The following CTNNA2 variants were observed in gnomAD, a reference collection of about 807,000 sequenced individuals.
The protein encoded by CTNNA2 is catenin alpha 2.
CTNNA2 carries 42 observed loss-of-function variants against 101.0 expected under a neutral mutation model. The ratio of observed to expected loss-of-function variants is 0.42; its 90% CI spans 0.32 to 0.54. The LOEUF (loss-of-function observed/expected upper bound fraction) is 0.54, where lower values mean the gene tolerates loss of function less well. Ranked by LOEUF, CTNNA2 falls within the 20% of genes least tolerant of loss-of-function variation. The pLI is 0.14. For synonymous variants in CTNNA2, 450 were observed against 456.4 expected (o/e 0.99, Z 0.18); for missense variants, 871 against 1,223.1 (o/e 0.71, Z 4.29).
intron 7 of CTNNA2, among the ~76,000 whole-genome samples, chr2:79,927,489 G>A (rs1687103253): frequency 6.6e-6 from 1 of 152,072 alleles, no homozygotes; most frequent in South Asian, 2.1e-4. Flanking sequence ...CAGATTCAAG[G>A]AGAATAACTA....
intron 9 of CTNNA2, among the ~76,000 whole-genome samples, chr2:80,454,780 C>T (rs918673601): frequency 6.6e-6 from 1 of 152,212 alleles, no homozygotes; most frequent in African/African-American, 2.4e-5. Flanking sequence ...TGGCACAGGG[C>T]CAGCCCTGGG....
chr2:80,570,262 T>A (rs1694464986), intron 12 of CTNNA2, among the ~76,000 whole-genome samples: 2 of 152,136 alleles, frequency 1.3e-5, no homozygotes, highest in Non-Finnish European at 2.9e-5. Flanking sequence ...TTGCCCAGGC[T>A]ATTCTTGAAC....
At chr2:79,739,740 G>T (rs1286349719) in intron 2 of CTNNA2, among the ~76,000 whole-genome samples, 1 of 152,216 alleles carries the variant, frequency 6.6e-6, no homozygotes, top group African/African-American at 2.4e-5. Context: ...CTTACGCACA[G>T]ATACCTGCAA....
At chr2:80,307,872 G>T (rs958923133) in intron 7 of CTNNA2, among the ~76,000 whole-genome samples, 5 of 152,184 alleles carry the variant, frequency 3.3e-5, no homozygotes, top group Non-Finnish European at 7.3e-5. Context: ...GGTAAGAAAT[G>T]ATAAGAATCT....
chr2:79,567,996 G>T (rs1228332795), intron 1 of CTNNA2, among the ~76,000 whole-genome samples: 1 of 152,108 alleles, frequency 6.6e-6, no homozygotes, highest in African/African-American at 2.4e-5. Context: ...CTTGACCACA[G>T]GAGGACACCG....
In CTNNA2 at chr2:79,493,102, C is replaced by G. The variant is rs146632375; in HGVS notation, c.-134-11952C>G. 3.3e-3 allele frequency among the ~76,000 whole-genome samples: 509 copies of G among 152,080 alleles called. 5 individuals carry two copies. Among genetic ancestry groups the G allele is most frequent in the African/African-American group, 0.011 (456 of 41,460 alleles). On this transcript the variant is annotated intron_variant, in intron 4 of 21. Transcript: ENST00000466387. ...AGACAAAAACTCCAGGGTTAAGCCT[C>G]TAAAATGAGGAACAAGACAAGGATA...
intron 7 of CTNNA2, among the ~76,000 whole-genome samples, chr2:80,277,136 C>T (rs1402493962): frequency 6.6e-6 from 1 of 152,026 alleles, no homozygotes; most frequent in Non-Finnish European, 1.5e-5. Context: ...AAAAGGTATA[C>T]CTCAGGAACA....
chr2:80,591,562 C>T (rs1199548846), intron 15 of CTNNA2, among the ~76,000 whole-genome samples: 1 of 146,998 alleles, frequency 6.8e-6, no homozygotes, highest in African/African-American at 2.5e-5. Flanking sequence ...GTTATTATTG[C>T]CCTTCCACTT....
intron 7 of CTNNA2, among the ~76,000 whole-genome samples, chr2:80,272,808 T>G (rs1673601816): frequency 6.6e-6 from 1 of 152,248 alleles, no homozygotes; most frequent in South Asian, 2.1e-4. Context: ...TCTGTATTTG[T>G]GTTTATTAAA....
intron 2 of CTNNA2, among the ~76,000 whole-genome samples, chr2:79,683,019 G>A (rs1222028908): frequency 6.6e-6 from 1 of 152,222 alleles, no homozygotes; most frequent in South Asian, 2.1e-4. Flanking sequence ...TATACATGCA[G>A]GTTGGTGGTT....
intron 7 of CTNNA2, among the ~76,000 whole-genome samples, chr2:80,364,500 T>C (rs1353520957): frequency 6.6e-6 from 1 of 152,010 alleles, no homozygotes. Flanking sequence ...TTTCAGTTTG[T>C]GTATTCTAAA....
chr2:79,846,822 T>A (rs186945998), intron 3 of CTNNA2, among the ~76,000 whole-genome samples: 1 of 152,364 alleles, frequency 6.6e-6, no homozygotes. Flanking sequence ...TATGTAGTAA[T>A]TTAGATACTG....
chr2:80,057,436 T>C (rs1309882644), intron 7 of CTNNA2, among the ~76,000 whole-genome samples: 1 of 152,204 alleles, frequency 6.6e-6, no homozygotes, highest in Non-Finnish European at 1.5e-5. Flanking sequence ...AGGCCCTAAA[T>C]GTTAATTAAA....
At chr2:80,031,191 A>C (rs895563783) in intron 7 of CTNNA2, among the ~76,000 whole-genome samples, 5 of 152,204 alleles carry the variant, frequency 3.3e-5, no homozygotes, top group African/African-American at 1.2e-4. Flanking sequence ...AAAAGTATAT[A>C]TGATGTACAT....
chr2:80,035,684 TA>T (rs1031257880), intron 7 of CTNNA2, among the ~76,000 whole-genome samples: 7 of 151,604 alleles, frequency 4.6e-5, no homozygotes, highest in Admixed American at 4.6e-4. Context: ...CTTTAAAAAA[TA>T]AAAAAAAGAA....
chr2:80,147,472 G>T (rs1024733361), intron 7 of CTNNA2, among the ~76,000 whole-genome samples: 14 of 152,210 alleles, frequency 9.2e-5, no homozygotes, highest in African/African-American at 3.1e-4. Flanking sequence ...TGGGAACTAT[G>T]GTCCTAGCTG....
intron 12 of CTNNA2, among the ~76,000 whole-genome samples, chr2:80,556,961 G>A (rs1693094215): frequency 6.6e-6 from 1 of 152,214 alleles, no homozygotes; most frequent in African/African-American, 2.4e-5. Context: ...AGTTCTGCAT[G>A]ATGAGATGTG....
At chr2:80,253,930 G>T (rs1399096070) in intron 7 of CTNNA2, among the ~76,000 whole-genome samples, 1 of 152,134 alleles carries the variant, frequency 6.6e-6, no homozygotes, top group Non-Finnish European at 1.5e-5. Context: ...TCATGGGAAG[G>T]TAGAGCATAT....
At chr2:79,751,147 C>T (rs1330522794) in intron 3 of CTNNA2, among the ~76,000 whole-genome samples, 3 of 151,990 alleles carry the variant, frequency 2.0e-5, no homozygotes, top group African/African-American at 7.2e-5. Flanking sequence ...TTTCGAAGAC[C>T]AGTGGGACAA....
Sources: gnomAD v4.1 joint callset for allele counts (sites outside exome capture counted in the v4.1 genomes callset) on GRCh38, gnomAD v4.1.1 for gene constraint, MANE v1.5 for transcripts, NCBI Gene and HGNC (gene_info 2026-07-23, HGNC 2026-07-21) for gene names.